The following TDRD12 variants were observed in gnomAD, a reference collection of about 807,000 sequenced individuals.
TDRD12 encodes putative ATP-dependent RNA helicase TDRD12.
Under a neutral mutation model 133.5 loss-of-function variants are expected in TDRD12, and 158 were observed. The ratio of observed to expected loss-of-function variants is 1.18; its 90% confidence interval spans 1.04 to 1.35. The LOEUF is 1.35. Ranked by LOEUF, TDRD12 falls within the 40% of genes most tolerant of loss-of-function variation. The probability of loss-of-function intolerance (pLI) is 0.00; values close to 1 mark genes in which losing one functional copy is unlikely to be tolerated. For missense variants in TDRD12, 1,443 were observed against 1,321.3 expected, an observed-to-expected ratio of 1.09 and a Z score of -1.43; for synonymous variants, 460 against 477.9, an observed-to-expected ratio of 0.96 and a Z score of 0.49.
At chr19:32,811,004 T>C (rs1966983930) in intron 23 of TDRD12, among the ~76,000 whole-genome samples, 1 of 152,260 alleles carries the variant, frequency 6.6e-6, no homozygotes, top group Admixed American at 6.5e-5. Flanking sequence ...TTTACTCTTA[T>C]TCAAAAGTAC....
intron 26 of TDRD12, among the ~76,000 whole-genome samples, chr19:32,817,361 C>T (rs1397541441): frequency 1.3e-5 from 2 of 152,152 alleles, no homozygotes; most frequent in East Asian, 3.9e-4. Context: ...TAAGTGGAAT[C>T]GTCCACTGTT....
exon 2 of TDRD12, chr19:32,731,803 T>G: frequency 6.4e-7 from 1 of 1,551,416 alleles, no homozygotes; most frequent in Non-Finnish European, 8.7e-7. Flanking sequence ...TTATCAAAAA[T>G]TAAATAGTGC....
chr19:32,817,700 C>G lies in TDRD12; in HGVS notation c.3315-389C>G, dbSNP rs557166750. ...CTCCATCCAGGTTCCGCAGCAGCTT[C>G]CCCATTGCCTGTTCCAGCAGCCATG... On this transcript the variant is annotated intron_variant, in intron 26 of 27. Coordinates refer to ENST00000444215, the Ensembl canonical transcript of TDRD12. Among the ~76,000 whole-genome samples the G allele has an allele frequency of 9.2e-4, 139 of 151,792 alleles. 1 individual carries two copies. The highest frequency in any genetic ancestry group is 3.2e-3 in the African/African-American group (131 of 41,376).
At chr19:32,820,814 C>T (rs1258379552) in intron 27 of TDRD12, among the ~76,000 whole-genome samples, 1 of 152,136 alleles carries the variant, frequency 6.6e-6, no homozygotes, top group African/African-American at 2.4e-5. Flanking sequence ...TGAAGGCCTG[C>T]CTGGTCCCAT....
intron 2 of TDRD12, among the ~76,000 whole-genome samples, chr19:32,733,461 ACT>A (rs1206538283): frequency 7.7e-6 from 1 of 130,306 alleles, no homozygotes; most frequent in Non-Finnish European, 1.6e-5. Flanking sequence ...CAAGAGTGAA[ACT>A]CTGTCTCAAA....
At chr19:32,739,056 C>T (rs1046001322) in intron 3 of TDRD12, 64 bp downstream of exon 3, 26 of 1,533,432 alleles carry the variant, frequency 1.7e-5, no homozygotes, top group Non-Finnish European at 2.1e-5. Flanking sequence ...CAAAGGAGAA[C>T]GTCCATTTTA....
chr19:32,742,801 C>T lies in TDRD12; in HGVS notation c.341C>T (p.Ser114Leu), dbSNP rs865942933. The change falls in exon 4 of 28, where the codon TCG becomes TTG. Residue 114 changes from serine (S) to leucine (L), a missense_variant. Coordinates refer to ENST00000444215, the Ensembl canonical transcript of TDRD12. ...TTTAGCATCCGAGTTGTAGTAGAAT[C>T]GTTTATGCAGCTTCCCTATAGAGCA... 2.6e-5 allele frequency: 40 copies of T among 1,551,660 alleles called. No individual in the cohort carries two copies. The Middle Eastern group carries it at 1.0e-3, about 39-fold the overall frequency.
chr19:32,824,177 C>G (rs146166580), downstream of TDRD12: 1 of 152,754 alleles, frequency 6.5e-6, no homozygotes, highest in Non-Finnish European at 1.5e-5. Context: ...TGGCTTCCCG[C>G]AGGGTTTCTG....
At chr19:32,801,670 G>A (rs1235729733) in intron 18 of TDRD12, 86 bp from the exon 19 acceptor site, 6 of 442,862 alleles carry the variant, frequency 1.4e-5, no homozygotes, top group East Asian at 1.0e-4. Flanking sequence ...AAATTAAAGT[G>A]CTTTACATTG....
chr19:32,791,581 T>C (rs1052014431), intron 13 of TDRD12, among the ~76,000 whole-genome samples: 11 of 152,054 alleles, frequency 7.2e-5, no homozygotes, highest in African/African-American at 2.7e-4. Context: ...TCCACAGTCT[T>C]AGAAGATGAA....
downstream of TDRD12, among the ~76,000 whole-genome samples, chr19:32,822,187 TG>T (rs1176745558): frequency 3.3e-5 from 5 of 152,326 alleles, no homozygotes; most frequent in Non-Finnish European, 7.4e-5. Context: ...CCCAACACTT[TG>T]GGGGGCTGAG....
At chr19:32,775,017 C>T (rs1970541029) in intron 10 of TDRD12, among the ~76,000 whole-genome samples, 1 of 151,836 alleles carries the variant, frequency 6.6e-6, no homozygotes, top group Non-Finnish European at 1.5e-5. Context: ...ACCTTGCTGT[C>T]GTTGCTACCA....
At chr19:32,741,846 AAG>A (rs1409106486) in intron 3 of TDRD12, among the ~76,000 whole-genome samples, 3 of 152,142 alleles carry the variant, frequency 2.0e-5, no homozygotes, top group Non-Finnish European at 4.4e-5. Flanking sequence ...CCAGGAGTTC[AAG>A]ACCAGCCTGG....
intron 11 of TDRD12, among the ~76,000 whole-genome samples, chr19:32,789,328 G>T (rs1042027029): frequency 2.0e-5 from 3 of 152,060 alleles, no homozygotes; most frequent in Admixed American, 2.0e-4. Flanking sequence ...TATGATTCAT[G>T]TACCCTTTTT....
chr19:32,769,003 G>A (rs917245837), intron 8 of TDRD12, among the ~76,000 whole-genome samples: 8 of 152,142 alleles, frequency 5.3e-5, no homozygotes, highest in South Asian at 2.1e-4. Context: ...TCAGCCTCCC[G>A]AAGTGCTGGG....
intron 18 of TDRD12, among the ~76,000 whole-genome samples, chr19:32,801,338 A>C (rs1971383850): frequency 6.6e-6 from 1 of 152,228 alleles, no homozygotes; most frequent in Non-Finnish European, 1.5e-5. Context: ...AAAACGTAGA[A>C]ATGAAGCCAA....
At chr19:32,802,004 G>A in intron 19 of TDRD12, 131 bp downstream of exon 19, 1 of 428,074 alleles carries the variant, frequency 2.3e-6, no homozygotes, top group Non-Finnish European at 4.1e-6. Context: ...TATTAGCAAT[G>A]TTAATTTCAA....
chr19:32,771,578 C>G (rs1970444154), intron 8 of TDRD12, among the ~76,000 whole-genome samples: 1 of 150,978 alleles, frequency 6.6e-6, no homozygotes, highest in African/African-American at 2.4e-5. Context: ...ATATTTCTCT[C>G]CCAATCTCCT....
chr19:32,730,606 G>A (rs1028835633), intron 1 of TDRD12, among the ~76,000 whole-genome samples: 3 of 152,112 alleles, frequency 2.0e-5, no homozygotes, highest in Non-Finnish European at 4.4e-5. Context: ...CAGAAAAGTA[G>A]AAATAATACT....
Sources: allele counts gnomAD v4.1 joint callset (sites outside exome capture counted in the v4.1 genomes callset), GRCh38; gene constraint gnomAD v4.1.1; transcripts MANE v1.5; gene names NCBI Gene and HGNC (gene_info 2026-07-23, HGNC 2026-07-21).